The following RAB27A variants were observed in gnomAD, a reference collection of about 807,000 sequenced individuals.
RAB27A encodes the protein RAB27A, member RAS oncogene family.
In RAB27A, 17 loss-of-function variants were observed where a neutral mutation model predicts 20.8. That is an observed-to-expected ratio of 0.82 (90% confidence interval 0.56 to 1.23). The LOEUF is 1.23. Ranked by LOEUF, RAB27A falls within the 50% of genes most tolerant of loss-of-function variation. The pLI is 0.00. For synonymous variants in RAB27A, 85 were observed against 92.8 expected (o/e 0.92, Z 0.48); for missense variants, 277 against 266.7 (o/e 1.04, Z -0.27).
intron 1 of RAB27A, among the ~76,000 whole-genome samples, chr15:55,279,402 A>G (rs1897957062): frequency 6.6e-6 from 1 of 152,234 alleles, no homozygotes; most frequent in Non-Finnish European, 1.5e-5. Context: ...CCTCTGAATT[A>G]GGATCTCTGC....
intron 2 of RAB27A, among the ~76,000 whole-genome samples, chr15:55,256,134 G>T (rs567638417): frequency 6.6e-6 from 1 of 152,206 alleles, no homozygotes; most frequent in Non-Finnish European, 1.5e-5. Context: ...GGAGCAATCT[G>T]TCGGGCATGG....
intron 6 of RAB27A, among the ~76,000 whole-genome samples, chr15:55,221,472 G>A (rs1310816559): frequency 2.6e-5 from 4 of 152,016 alleles, no homozygotes; most frequent in Admixed American, 2.6e-4. Flanking sequence ...GCCTCTCAGG[G>A]GAGCAGGGGG....
At chr15:55,283,397 C>A (rs748682405) in intron 1 of RAB27A, among the ~76,000 whole-genome samples, 4 of 152,094 alleles carry the variant, frequency 2.6e-5, no homozygotes, top group Non-Finnish European at 5.9e-5. Context: ...GTTGATTCTT[C>A]CACATTCAAG....
chr15:55,249,287 T>G (rs1896802152), intron 2 of RAB27A, among the ~76,000 whole-genome samples: 1 of 152,212 alleles, frequency 6.6e-6, no homozygotes, highest in African/African-American at 2.4e-5. Context: ...TAAGTGTATT[T>G]ATTTAGAGGC....
chr15:55,287,195 C>G (rs752495895), intron 1 of RAB27A, among the ~76,000 whole-genome samples: 62 of 151,792 alleles, frequency 4.1e-4, no homozygotes, highest in Non-Finnish European at 7.1e-4. Context: ...GCTGCGATTA[C>G]AGGCGTGAGC....
intron 1 of RAB27A, among the ~76,000 whole-genome samples, chr15:55,281,064 A>G (rs1898004027): frequency 6.6e-6 from 1 of 152,190 alleles, no homozygotes. Flanking sequence ...CTAGTTCTAG[A>G]TCCTTGAGGA....
intron 1 of RAB27A, among the ~76,000 whole-genome samples, chr15:55,279,824 G>C (rs1897967196): frequency 6.6e-6 from 1 of 152,170 alleles, no homozygotes; most frequent in Admixed American, 6.5e-5. Context: ...GGAAAGTTAA[G>C]GCCTCAATGT....
intron 1 of RAB27A, among the ~76,000 whole-genome samples, chr15:55,286,842 G>C (rs547034214): frequency 4.6e-5 from 7 of 151,934 alleles, no homozygotes; most frequent in African/African-American, 1.7e-4. Flanking sequence ...AGTAATCCAG[G>C]TGACAGAGAT....
chr15:55,280,580 A>C (rs1042202310), intron 1 of RAB27A, among the ~76,000 whole-genome samples: 1 of 151,236 alleles, frequency 6.6e-6, no homozygotes, highest in Non-Finnish European at 1.5e-5. Context: ...ACATAGGTAT[A>C]CAGGTGCCAT....
intron 2 of RAB27A, among the ~76,000 whole-genome samples, chr15:55,256,030 A>C (rs962498663): frequency 1.3e-5 from 2 of 152,208 alleles, no homozygotes; most frequent in African/African-American, 4.8e-5. Flanking sequence ...TAAAGGGTAC[A>C]TTATGTGAAA....
At chr15:55,253,645 C>T (rs576434402) in intron 2 of RAB27A, among the ~76,000 whole-genome samples, 14 of 151,872 alleles carry the variant, frequency 9.2e-5, no homozygotes, top group Admixed American at 3.3e-4. Context: ...TCTTAACATG[C>T]CTCTGAGAAA....
chr15:55,266,354 C>A (rs969675696), intron 2 of RAB27A, among the ~76,000 whole-genome samples: 1 of 152,154 alleles, frequency 6.6e-6, no homozygotes, highest in Admixed American at 6.5e-5. Flanking sequence ...GCAAGCTATC[C>A]AGTCTATGGT....
At chr15:55,217,898 A>T (rs1329745434) in intron 6 of RAB27A, among the ~76,000 whole-genome samples, 5 of 152,070 alleles carry the variant, frequency 3.3e-5, no homozygotes, top group Non-Finnish European at 7.3e-5. Context: ...ATTATAATGC[A>T]TTTCCAAAAA....
At chr15:55,206,803 C>T (rs866509293) in intron 6 of RAB27A, among the ~76,000 whole-genome samples, 24 of 151,718 alleles carry the variant, frequency 1.6e-4, no homozygotes, top group Non-Finnish European at 3.1e-4. Context: ...AAGCTCAAAC[C>T]ACAGAGAATA....
At chr15:55,258,861 G>A (rs116247805) in intron 2 of RAB27A, among the ~76,000 whole-genome samples, 70 of 152,140 alleles carry the variant, frequency 4.6e-4, no homozygotes, top group African/African-American at 1.6e-3. Context: ...GTCTCGCTCC[G>A]TTGCCCAGGC....
rs773606080 is a variant in RAB27A at position 55,229,328 on chromosome 15, T to C, written c.240-616A>G. Reference sequence around the variant, plus strand: ...AGAAAATATTGGTATGAATTTGTCATCTAATCAGCAATATTAGGTTTTTCT... The same window carrying C: ...AGAAAATATTGGTATGAATTTGTCACCTAATCAGCAATATTAGGTTTTTCT... On this transcript the variant is annotated intron_variant, in intron 4 of 6. Coordinates refer to ENST00000336787, the MANE Select transcript of RAB27A (RefSeq NM_183235.3). Among the ~76,000 whole-genome samples, 20 of 152,180 alleles carry C rather than the reference T, an allele frequency of 1.3e-4. No individual in the cohort carries two copies. The Middle Eastern group carries it at 0.01, about 78-fold the overall frequency.
chr15:55,291,857 C>T (rs1350044975), upstream of RAB27A, among the ~76,000 whole-genome samples: 2 of 151,982 alleles, frequency 1.3e-5, no homozygotes, highest in South Asian at 2.1e-4. Flanking sequence ...GAGAGACCAT[C>T]GAATAAGTAG....
At chr15:55,236,412 T>G (rs1007865700) in intron 2 of RAB27A, among the ~76,000 whole-genome samples, 1 of 152,126 alleles carries the variant, frequency 6.6e-6, no homozygotes, top group African/African-American at 2.4e-5. Flanking sequence ...GAGTTCCAGA[T>G]TTGAACAGTC....
intron 6 of RAB27A, 150 bp downstream of exon 6, chr15:55,223,739 T>C: frequency 2.2e-6 from 2 of 899,644 alleles, no homozygotes; most frequent in Admixed American, 3.7e-5. Flanking sequence ...CCTACTATCA[T>C]ATCATATAAA....
Sources: gnomAD v4.1 joint callset for allele counts (sites outside exome capture counted in the v4.1 genomes callset) on GRCh38, gnomAD v4.1.1 for gene constraint, MANE v1.5 for transcripts, NCBI Gene and HGNC (gene_info 2026-07-23, HGNC 2026-07-21) for gene names.